Variants in SRSF2 observed in about 807,000 individuals in gnomAD.
SRSF2 encodes serine/arginine-rich splicing factor 2.
A neutral mutation model predicts 15.7 loss-of-function variants in SRSF2; 4 were observed. That is an observed-to-expected ratio of 0.26 (90% CI 0.13 to 0.58). The LOEUF is 0.58. Ranked by LOEUF, SRSF2 falls within the 20% of genes least tolerant of loss-of-function variation. The probability of loss-of-function intolerance (pLI) is 0.90; values close to 1 mark genes in which losing one functional copy is unlikely to be tolerated. For synonymous variants in SRSF2, 192 were observed against 138.9 expected (o/e 1.38, Z -2.69); for missense variants, 147 against 332.4 (o/e 0.44, Z 4.34).
chr17:76,737,363 A>G (rs964073322), upstream of SRSF2: 1 of 598,418 alleles, frequency 1.7e-6, no homozygotes, highest in Non-Finnish European at 2.7e-6. Context: ...GCCCGTTTAT[A>G]TCGCTCCTCA....
intron 1 of SRSF2, 153 bp from the exon 2 acceptor site, chr17:76,736,617 C>G (rs1052900167): frequency 2.6e-6 from 3 of 1,152,772 alleles, no homozygotes; most frequent in Admixed American, 3.9e-5. Context: ...CGCCCACACC[C>G]CGGCCACTCC....
At position 76,737,184 on chromosome 17, in the gene SRSF2, C is replaced by T. The variant is rs1286450958; in HGVS notation, c.-24G>A. 2 of 1,524,956 alleles carry T rather than the reference C, an allele frequency of 1.3e-6. No homozygotes were observed. Among genetic ancestry groups the T allele is most frequent in the South Asian group, 2.5e-5 (2 of 80,508 alleles). 94.5% of individuals were successfully genotyped at this position (1,524,956 alleles called of 1,614,324 possible). On this transcript the variant is annotated 5_prime_UTR_variant, in exon 1 of 3. Coordinates refer to ENST00000359995, the MANE Select transcript of SRSF2 (RefSeq NM_001195427.2). The stretch of plus-strand genomic sequence containing the variant: ...ATAGCTCTGAGTGGCGGCCCGGAGC[C>T]CCGCGAACTGGCGCCGGCTTCCTCA...
chr17:76,736,634 G>T, intron 1 of SRSF2, 165 bp downstream of exon 1: 1 of 1,153,384 alleles, frequency 8.7e-7, no homozygotes, highest in Non-Finnish European at 1.1e-6. Flanking sequence ...CTCCCGGGTC[G>T]CAGACGGCGG....
rs1188377198 is a variant in SRSF2, at chr17:76,734,259, TGTTAA to T, written c.*902_*906del. The T allele has an allele frequency of 2.2e-4, 49 of 225,084 alleles. No individual in the cohort carries two copies. The highest frequency in any genetic ancestry group is 2.7e-5 in the Non-Finnish European group (3 of 112,362). The allele number at this position is 225,084 out of a possible 1,614,324, so 13.9% of individuals were successfully genotyped here. A position where few individuals can be genotyped will look rare whatever the true frequency, so the allele number is the denominator to read the frequency against. ...CCATTTGCTTCCTTAACATTTTCCA[TGTTAA>T]GTTCATACATGTAGATATGATCAGA... On this transcript the variant is annotated 3_prime_UTR_variant, in exon 3 of 3. Coordinates refer to ENST00000359995, the MANE Select transcript of SRSF2 (RefSeq NM_001195427.2).
At position 76,736,647 on chromosome 17, in the gene SRSF2, G is replaced by A. The variant is rs566309566; in HGVS notation, c.362+152C>T. The A allele has an allele frequency of 5.9e-6, 7 of 1,178,648 alleles. No homozygotes were observed. The African/African-American group carries it at 6.5e-5, about 11-fold the overall frequency. The allele number at this position is 1,178,648 out of a possible 1,614,324, so 73.0% of individuals were successfully genotyped here. On this transcript the variant is annotated intron_variant, in intron 1 of 2. Transcript: ENST00000359995. ...CACTCCCGGGTCGCAGACGGCGGAAGCTCGCGGGGTGGCCGGAGGGTCGCG... is the reference window on the plus strand; with the variant it reads ...CACTCCCGGGTCGCAGACGGCGGAAACTCGCGGGGTGGCCGGAGGGTCGCG...
chr17:76,736,449 G>A lies in SRSF2; in HGVS notation c.378C>T (p.Arg126=), dbSNP rs147605645. The change falls in exon 2 of 3, where the codon CGC becomes CGT. Residue 126 remains arginine, a synonymous_variant. Transcript: ENST00000359995. The stretch of plus-strand genomic sequence containing the variant: ...GACTCCGACTCCGGGATCGGCTGCG[G>A]CGACGCCGCCTAGGGCTGCGGGCGG... ...GRRSRSPRRR[R]RSRSRSRSRS... is the part of the protein sequence containing the mutation. The A allele has an allele frequency of 4.9e-4, 797 of 1,612,068 alleles. 6 individuals carry two copies. Among genetic ancestry groups the A allele is most frequent in the Admixed American group, 1.8e-4 (11 of 59,992 alleles).
In SRSF2 at chr17:76,736,813, T is replaced by C. The variant is rs1234366669; in HGVS notation, c.348A>G (p.Gly116=). 3 of 1,584,106 alleles carry C rather than the reference T, an allele frequency of 1.9e-6. No homozygotes were observed. Among genetic ancestry groups the C allele is most frequent in the African/African-American group, 2.7e-5 (2 of 74,334 alleles). ...PPRRYGGGGY[G]RRSRSPRRRR... ...GCCCCGTTTACCTGCGGCTCCGGCG[T>C]CCGTAGCCACCGCCCCCGTACCTGC... Residue 116 remains glycine, a synonymous_variant, in exon 1 of 3, where the codon GGA becomes GGG. Coordinates refer to ENST00000359995, the MANE Select transcript of SRSF2 (RefSeq NM_001195427.2).
chr17:76,736,052 C>T (rs759581207), intron 2 of SRSF2, 102 bp downstream of exon 2: 2 of 1,219,290 alleles, frequency 1.6e-6, no homozygotes, highest in Non-Finnish European at 2.3e-6. Flanking sequence ...GAGCAGCACT[C>T]CTAATGATAG....
At chr17:76,736,738 G>A (rs901491098) in intron 1 of SRSF2, 61 bp downstream of exon 1, 6 of 1,386,398 alleles carry the variant, frequency 4.3e-6, no homozygotes, top group Admixed American at 3.4e-5. Flanking sequence ...ACCTTTGTGA[G>A]GTCGCCCGGG....
Position 76,734,939 on chromosome 17 carries a change from C to T in SRSF2, c.*227G>A, listed in dbSNP as rs1354610697. ...CAAATCCAATAATGAAATCTGAAGT[C>T]GTTCACCTCACTAAATTACAAGAAA... is the stretch of plus-strand genomic sequence containing the variant. On this transcript the variant is annotated 3_prime_UTR_variant, in exon 3 of 3. Transcript: ENST00000359995. 4.3e-6 allele frequency: 1 copy of T among 230,530 alleles called. No homozygotes were observed. Among genetic ancestry groups the T allele is most frequent in the Non-Finnish European group, 8.9e-6 (1 of 112,050 alleles). The allele number at this position is 230,530 out of a possible 1,614,324, so 14.3% of individuals were successfully genotyped here. A position where few individuals can be genotyped will look rare whatever the true frequency, so the allele number is the denominator to read the frequency against.
chr17:76,734,312 G>A lies in SRSF2; in HGVS notation c.*854C>T, dbSNP rs929456721. ...AGATTTACCATTTTTAGGGGGAAGA[G>A]GGAAAAAAAGGTGTATTTATCATCA... On this transcript the variant is annotated 3_prime_UTR_variant, in exon 3 of 3. Transcript: ENST00000359995. The A allele has an allele frequency of 1.3e-5, 3 of 232,918 alleles. No homozygotes were observed. Among genetic ancestry groups the A allele is most frequent in the Admixed American group, 5.7e-5 (1 of 17,564 alleles). 14.4% of individuals were successfully genotyped at this position (232,918 alleles called of 1,614,324 possible). A position where few individuals can be genotyped will look rare whatever the true frequency, so the allele number is the denominator to read the frequency against.
intron 1 of SRSF2, 148 bp downstream of exon 1, chr17:76,736,651 G>A (rs1413701713): frequency 3.4e-6 from 4 of 1,185,042 alleles, no homozygotes; most frequent in East Asian, 6.4e-5. Context: ...GCGGAAGCTC[G>A]CGGGGTGGCC....
At position 76,736,199 on chromosome 17, in the gene SRSF2, G is replaced by A. The variant is rs2143921994; in HGVS notation, c.628C>T (p.Pro210Ser). 1.2e-6 allele frequency: 2 copies of A among 1,613,964 alleles called. No individual in the cohort carries two copies. The highest frequency in any genetic ancestry group is 1.7e-6 in the Non-Finnish European group (2 of 1,179,948). ...GCTCCTTCCTCTTCAGGAGACTTGGGGGGACTCTTCGATCGCGACCTGGAT... is the reference window on the plus strand; with the variant it reads ...GCTCCTTCCTCTTCAGGAGACTTGGAGGGACTCTTCGATCGCGACCTGGAT... ...SKSRSRSKSP[P>S]KSPEEEGAVS... The change falls in exon 2 of 3, where the codon CCC becomes TCC. Residue 210 changes from proline (P) to serine (S), a missense_variant. Around this residue, in one of 2 missense-constraint regions of SRSF2, gnomAD observed 125 missense variants for 185.1 expected, o/e 0.68. Coordinates refer to ENST00000359995, the MANE Select transcript of SRSF2 (RefSeq NM_001195427.2).
Position 76,734,971 on chromosome 17 carries a change from T to C in SRSF2, c.*195A>G. 4.4e-6 allele frequency: 1 copy of C among 226,102 alleles called. No homozygotes were observed. Among genetic ancestry groups the C allele is most frequent in the Admixed American group, 5.7e-5 (1 of 17,458 alleles). The allele number at this position is 226,102 out of a possible 1,614,324, so 14.0% of individuals were successfully genotyped here. A position where few individuals can be genotyped will look rare whatever the true frequency, so the allele number is the denominator to read the frequency against. On this transcript the variant is annotated 3_prime_UTR_variant, in exon 3 of 3. Coordinates refer to ENST00000359995, the MANE Select transcript of SRSF2 (RefSeq NM_001195427.2). Reference sequence around the variant, plus strand: ...CTCACTAAATTACAAGAAATTTGAATAACAGCAACAAAATGGCACATAAAA... The same window carrying C: ...CTCACTAAATTACAAGAAATTTGAACAACAGCAACAAAATGGCACATAAAA...
At position 76,734,162 on chromosome 17, in the gene SRSF2, A is replaced by G; in HGVS notation, c.*1004T>C. 9.4e-6 allele frequency: 2 copies of G among 212,218 alleles called. No homozygotes were observed. Among genetic ancestry groups the G allele is most frequent in the Non-Finnish European group, 1.9e-5 (2 of 104,620 alleles). The allele number at this position is 212,218 out of a possible 1,614,324, so 13.1% of individuals were successfully genotyped here. ...GAAAATGTTTTAATTAAACTACAGAAACAATGGTTATAATACAGAATATTC... is the reference window on the plus strand; with the variant it reads ...GAAAATGTTTTAATTAAACTACAGAGACAATGGTTATAATACAGAATATTC... On this transcript the variant is annotated 3_prime_UTR_variant, in exon 3 of 3. Coordinates refer to ENST00000359995, the MANE Select transcript of SRSF2 (RefSeq NM_001195427.2).
At chr17:76,736,637 G>T in intron 1 of SRSF2, 162 bp downstream of exon 1, 1 of 1,166,502 alleles carries the variant, frequency 8.6e-7, no homozygotes, top group Non-Finnish European at 1.1e-6. Context: ...CCGGGTCGCA[G>T]ACGGCGGAAG....
Position 76,734,416 on chromosome 17 carries a change from AT to A in SRSF2, c.*749del. ...GGAAGTGCAGTTGTCAGGCATTTTA[AT>A]AAACTGGACAGCCATTTGTTTCTGC... is the stretch of plus-strand genomic sequence containing the variant. On this transcript the variant is annotated 3_prime_UTR_variant, in exon 3 of 3. Coordinates refer to ENST00000359995, the MANE Select transcript of SRSF2 (RefSeq NM_001195427.2). 4 of 243,226 alleles carry A rather than the reference AT, an allele frequency of 1.6e-5. No individual in the cohort carries two copies. The highest frequency in any genetic ancestry group is 3.5e-5 in the Non-Finnish European group (4 of 115,486). 15.1% of individuals were successfully genotyped at this position (243,226 alleles called of 1,614,324 possible).
Position 76,734,865 on chromosome 17 carries a change from CA to C in SRSF2, c.*300del, listed in dbSNP as rs779289720. 6 of 238,698 alleles carry C rather than the reference CA, an allele frequency of 2.5e-5. No homozygotes were observed. The highest frequency in any genetic ancestry group is 5.7e-5 in the Admixed American group (1 of 17,426). The allele number at this position is 238,698 out of a possible 1,614,324, so 14.8% of individuals were successfully genotyped here. On this transcript the variant is annotated 3_prime_UTR_variant, in exon 3 of 3. Coordinates refer to ENST00000359995, the MANE Select transcript of SRSF2 (RefSeq NM_001195427.2). ...GGTTACCAATCTGTTTAATTTCAAACAAAAAAAGTCAGCACTATATAACAAA... is the reference window on the plus strand; with the variant it reads ...GGTTACCAATCTGTTTAATTTCAAACAAAAAAGTCAGCACTATATAACAAA...
At position 76,737,290 on chromosome 17, in the gene SRSF2, G is replaced by C. The variant is rs1038925210; in HGVS notation, c.-130C>G. 4.7e-6 allele frequency: 6 copies of C among 1,277,462 alleles called. No individual in the cohort carries two copies. Among genetic ancestry groups the C allele is most frequent in the African/African-American group, 3.0e-5 (2 of 66,276 alleles). The allele number at this position is 1,277,462 out of a possible 1,614,324, so 79.1% of individuals were successfully genotyped here. A position where few individuals can be genotyped will look rare whatever the true frequency, so the allele number is the denominator to read the frequency against. Reference sequence around the variant, plus strand: ...CTGGGAAAGGCCTTGCCGCAGAACAGCACGGACGGGCTCCGCAGGCTAGCG... The same window carrying C: ...CTGGGAAAGGCCTTGCCGCAGAACACCACGGACGGGCTCCGCAGGCTAGCG... On this transcript the variant is annotated 5_prime_UTR_variant, in exon 1 of 3. Transcript: ENST00000359995.
Sources: gnomAD v4.1 joint callset for allele counts on GRCh38, gnomAD v4.1.1 for gene constraint, gnomAD v4.1.1 regional missense constraint, MANE v1.5 for transcripts, NCBI Gene and HGNC (gene_info 2026-07-23, HGNC 2026-07-21) for gene names.